The following MAGI3 variants were observed in gnomAD, a reference collection of about 807,000 sequenced individuals.
The protein encoded by MAGI3 is membrane associated guanylate kinase, WW and PDZ domain containing 3.
Under a neutral mutation model 121.8 loss-of-function variants are expected in MAGI3, and 43 were observed. That is an observed-to-expected ratio of 0.35 (90% CI 0.28 to 0.46). The LOEUF is 0.46. MAGI3 is among the 20% of genes least tolerant of loss of function. The probability of loss-of-function intolerance (pLI) is 1.00; values close to 1 mark genes in which losing one functional copy is unlikely to be tolerated. For synonymous variants in MAGI3, 553 were observed against 639.3 expected (o/e 0.86, Z 2.04); for missense variants, 1,547 against 1,797.3 (o/e 0.86, Z 2.52).
At chr1:113,414,102 TG>T (rs1360653070) in intron 1 of MAGI3, among the ~76,000 whole-genome samples, 1 of 152,218 alleles carries the variant, frequency 6.6e-6, no homozygotes, top group Non-Finnish European at 1.5e-5. Context: ...TGTTGAATTT[TG>T]TCAAAGGCCT....
At chr1:113,436,893 C>T (rs539089269) in intron 1 of MAGI3, among the ~76,000 whole-genome samples, 17 of 149,830 alleles carry the variant, frequency 1.1e-4, no homozygotes, top group Admixed American at 7.3e-4. Flanking sequence ...CGGCTCACTG[C>T]AACCTCTGCC....
chr1:113,522,935 A>T (rs947834798), intron 1 of MAGI3, among the ~76,000 whole-genome samples: 2 of 152,218 alleles, frequency 1.3e-5, no homozygotes, highest in African/African-American at 2.4e-5. Flanking sequence ...GCAGTCTGAT[A>T]TGGTTTGGCT....
chr1:113,595,798 A>G (rs1413705399), intron 6 of MAGI3, among the ~76,000 whole-genome samples: 1 of 152,226 alleles, frequency 6.6e-6, no homozygotes, highest in Non-Finnish European at 1.5e-5. Flanking sequence ...ATCACAGCCA[A>G]GGTGGATGGA....
intron 15 of MAGI3, among the ~76,000 whole-genome samples, chr1:113,656,993 TGTA>T (rs1426353758): frequency 6.6e-6 from 1 of 152,216 alleles, no homozygotes; most frequent in African/African-American, 2.4e-5. Flanking sequence ...CTTCTTATCA[TGTA>T]GTTTTCAGTT....
At chr1:113,395,725 A>G (rs1651077498) in intron 1 of MAGI3, among the ~76,000 whole-genome samples, 1 of 151,834 alleles carries the variant, frequency 6.6e-6, no homozygotes, top group South Asian at 2.1e-4. Context: ...ATTTTCTAGT[A>G]TATCATTTTG....
Position 113,653,813 on chromosome 1 carries a change from G to T in MAGI3, c.2441-17G>T. 1 of 1,577,056 alleles carries T rather than the reference G, an allele frequency of 6.3e-7. No homozygotes were observed. The highest frequency in any genetic ancestry group is 1.2e-5 in the South Asian group (1 of 85,766). On this transcript the variant is annotated splice_polypyrimidine_tract_variant and intron_variant, in intron 14 of 20. Transcript: ENST00000307546. ...ATGATGTTCCAGACATATCAAAACT[G>T]ATCATGTTTATTACAGAAAAACAAC... is the stretch of plus-strand genomic sequence containing the variant.
intron 6 of MAGI3, among the ~76,000 whole-genome samples, chr1:113,611,779 T>C (rs1252968848): frequency 6.6e-6 from 1 of 152,182 alleles, no homozygotes; most frequent in Non-Finnish European, 1.5e-5. Context: ...TCTAAGAATG[T>C]TGGAATTTTG....
chr1:113,550,652 A>T (rs566964298), intron 2 of MAGI3, among the ~76,000 whole-genome samples: 1 of 151,212 alleles, frequency 6.6e-6, no homozygotes, highest in Non-Finnish European at 1.5e-5. Flanking sequence ...GCTACTTGGG[A>T]GGCTGAGGCA....
chr1:113,578,294 C>T (rs1253482209), intron 2 of MAGI3, among the ~76,000 whole-genome samples: 1 of 152,188 alleles, frequency 6.6e-6, no homozygotes, highest in East Asian at 1.9e-4. Context: ...ATCATCAATC[C>T]AGTCCAAATT....
At chr1:113,491,444 A>T (rs188692035) in intron 1 of MAGI3, among the ~76,000 whole-genome samples, 2 of 152,288 alleles carry the variant, frequency 1.3e-5, no homozygotes, top group African/African-American at 4.8e-5. Context: ...TCAGCTTGAC[A>T]ACCTAAATCA....
intron 1 of MAGI3, among the ~76,000 whole-genome samples, chr1:113,463,187 G>A (rs529932777): frequency 1.6e-4 from 25 of 152,152 alleles, no homozygotes; most frequent in African/African-American, 5.5e-4. Context: ...CATTGGAGAT[G>A]TAGAGTAGTG....
chr1:113,494,030 C>G (rs1252976165), intron 1 of MAGI3, among the ~76,000 whole-genome samples: 1 of 152,082 alleles, frequency 6.6e-6, no homozygotes, highest in Non-Finnish European at 1.5e-5. Flanking sequence ...GGTATATATC[C>G]AAAGATTTAT....
intron 1 of MAGI3, among the ~76,000 whole-genome samples, chr1:113,458,341 T>C (rs1029633319): frequency 6.6e-6 from 1 of 152,070 alleles, no homozygotes; most frequent in Non-Finnish European, 1.5e-5. Context: ...AAGTGTATAA[T>C]GAATGCTGTT....
intron 1 of MAGI3, among the ~76,000 whole-genome samples, chr1:113,399,783 G>A (rs1312214005): frequency 2.0e-5 from 3 of 151,906 alleles, no homozygotes; most frequent in Non-Finnish European, 4.4e-5. Context: ...ACAGTCTTTG[G>A]CATTGAGAAA....
rs1557891662 is a variant in MAGI3 at position 113,683,199 on chromosome 1, G to A, written c.3631G>A (p.Val1211Ile). 1 of 1,613,940 alleles carries A rather than the reference G, an allele frequency of 6.2e-7. No individual in the cohort carries two copies. Among genetic ancestry groups the A allele is most frequent in the East Asian group, 2.2e-5 (1 of 44,894 alleles). The change falls in exon 21 of 21, where the codon GTA (valine) becomes ATA (isoleucine). Residue 1211 changes from valine to isoleucine, a missense_variant. Transcript: ENST00000307546. ...GHSNKKNLLKVENGVTRRGRS... is the reference protein window; with the variant it reads ...GHSNKKNLLKIENGVTRRGRS... The stretch of plus-strand genomic sequence containing the variant: ...CAGTAACAAGAAAAATCTATTAAAA[G>A]TAGAAAATGGTGTTACACGAAGAGG...
intron 1 of MAGI3, among the ~76,000 whole-genome samples, chr1:113,478,500 G>T (rs1655959051): frequency 6.6e-6 from 1 of 152,216 alleles, no homozygotes; most frequent in African/African-American, 2.4e-5. Flanking sequence ...CTGCAGGTCT[G>T]TTGGAGTTTG....
At chr1:113,571,911 C>T (rs538980310) in intron 2 of MAGI3, among the ~76,000 whole-genome samples, 15 of 152,272 alleles carry the variant, frequency 9.9e-5, no homozygotes, top group African/African-American at 3.6e-4. Context: ...ATTGCCCTGG[C>T]CAGAACTTCC....
chr1:113,436,603 G>C (rs1394786777), intron 1 of MAGI3, among the ~76,000 whole-genome samples: 1 of 152,060 alleles, frequency 6.6e-6, no homozygotes, highest in East Asian at 1.9e-4. Context: ...TTTAACCATT[G>C]AGCTGGGTAA....
chr1:113,530,649 G>A, intron 1 of MAGI3, among the ~76,000 whole-genome samples: 1 of 152,068 alleles, frequency 6.6e-6, no homozygotes, highest in East Asian at 1.9e-4. Flanking sequence ...GCCAGGTGCA[G>A]CGGCCTTATG....
Sources: allele counts gnomAD v4.1 joint callset (sites outside exome capture counted in the v4.1 genomes callset), GRCh38; gene constraint gnomAD v4.1.1; transcripts MANE v1.5; gene names NCBI Gene and HGNC (gene_info 2026-07-23, HGNC 2026-07-21).